Variants in PCNX2 observed in about 807,000 individuals in gnomAD.
PCNX2 encodes pecanex-like protein 2.
Under a neutral mutation model 223.8 loss-of-function variants are expected in PCNX2, and 168 were observed. That is an observed-to-expected ratio of 0.75 (90% confidence interval 0.66 to 0.85). The LOEUF is 0.85. PCNX2 is among the 40% of genes least tolerant of loss of function. The pLI, the probability that PCNX2 is intolerant of heterozygous loss-of-function variation, is 0.00. For missense variants in PCNX2, 2,507 were observed against 2,675.5 expected (o/e 0.94, Z 1.39); for synonymous variants, 1,006 against 1,052.6 (o/e 0.96, Z 0.86).
intron 23 of PCNX2, among the ~76,000 whole-genome samples, chr1:233,073,844 T>C (rs1011295255): frequency 6.6e-6 from 1 of 152,184 alleles, no homozygotes; most frequent in Non-Finnish European, 1.5e-5. Flanking sequence ...GGTATTAAAC[T>C]TTTGACCTCG....
At chr1:233,288,082 T>G (rs796750414) in intron 1 of PCNX2, among the ~76,000 whole-genome samples, 22 of 152,338 alleles carry the variant, frequency 1.4e-4, no homozygotes, top group African/African-American at 5.1e-4. Flanking sequence ...CATTTTCTTC[T>G]TGCAGAGGAC....
chr1:233,189,263 T>C (rs934555768), intron 15 of PCNX2, among the ~76,000 whole-genome samples: 3 of 152,186 alleles, frequency 2.0e-5, no homozygotes, highest in African/African-American at 7.2e-5. Context: ...ATCGATTACA[T>C]GGAGATATAG....
intron 15 of PCNX2, among the ~76,000 whole-genome samples, chr1:233,185,444 ATATG>A (rs1680042463): frequency 6.6e-6 from 1 of 152,120 alleles, no homozygotes; most frequent in Non-Finnish European, 1.5e-5. Flanking sequence ...ACTGTGAAAA[ATATG>A]TAGACATCTC....
chr1:233,257,314 GGAT>G (rs199827510), intron 5 of PCNX2, among the ~76,000 whole-genome samples: 1,662 of 152,206 alleles, frequency 0.011, 34 homozygotes, highest in African/African-American at 0.034. Flanking sequence ...AGAACAGGAA[GGAT>G]GATGGTATAT....
At chr1:233,123,628 A>C (rs1290888182) in intron 21 of PCNX2, among the ~76,000 whole-genome samples, 1 of 152,168 alleles carries the variant, frequency 6.6e-6, no homozygotes, top group Non-Finnish European at 1.5e-5. Context: ...AATGAAAGAC[A>C]GTTGTGTCTA....
At chr1:233,189,362 C>A (rs961843261) in intron 15 of PCNX2, among the ~76,000 whole-genome samples, 4 of 152,132 alleles carry the variant, frequency 2.6e-5, no homozygotes, top group African/African-American at 9.7e-5. Context: ...GTGAACTGTT[C>A]TTTCAACAAG....
intron 21 of PCNX2, among the ~76,000 whole-genome samples, chr1:233,104,527 A>G (rs66772182): frequency 0.17 from 26,121 of 152,078 alleles, 2,330 homozygotes; most frequent in East Asian, 0.25. Context: ...AAGTAAAAAT[A>G]GGTAGAATTA....
At chr1:233,307,805 G>A in the PCNX2 span, among the ~76,000 whole-genome samples, 5 of 152,196 alleles carry the variant, frequency 3.3e-5, no homozygotes, top group Non-Finnish European at 7.3e-5. Context: ...TGTGTGCTAA[G>A]GGATTGTGGC....
At chr1:233,304,503 A>G in the PCNX2 span, among the ~76,000 whole-genome samples, 1 of 152,242 alleles carries the variant, frequency 6.6e-6, no homozygotes, top group East Asian at 1.9e-4. Context: ...CCCAAGAGTA[A>G]GCATAAAAAA....
At chr1:233,005,297 C>T (rs938954969) in intron 28 of PCNX2, among the ~76,000 whole-genome samples, 1 of 152,134 alleles carries the variant, frequency 6.6e-6, no homozygotes, top group African/African-American at 2.4e-5. Flanking sequence ...CCCAGACACC[C>T]AGAGCAACAT....
chr1:233,099,619 T>C (rs1017321911), intron 21 of PCNX2, among the ~76,000 whole-genome samples: 1 of 152,232 alleles, frequency 6.6e-6, no homozygotes, highest in South Asian at 2.1e-4. Context: ...CTCAACTTCA[T>C]ATTTTCCCTT....
intron 31 of PCNX2, 61 bp from the exon 32 acceptor site, chr1:232,998,499 C>T (rs1669957186): frequency 1.9e-6 from 3 of 1,570,364 alleles, no homozygotes; most frequent in Admixed American, 3.5e-5. Context: ...CCCCTAAATG[C>T]ACCACCATGG....
chr1:232,999,062 T>G, intron 31 of PCNX2, 43 bp downstream of exon 31: 1 of 1,548,360 alleles, frequency 6.5e-7, no homozygotes, highest in Non-Finnish European at 8.7e-7. Context: ...CCCCCACACC[T>G]TCCCCCAGCA....
At chr1:233,053,156 T>C (rs1376369558) in intron 25 of PCNX2, among the ~76,000 whole-genome samples, 1 of 151,992 alleles carries the variant, frequency 6.6e-6, no homozygotes, top group African/African-American at 2.4e-5. Flanking sequence ...GAGAATAACA[T>C]ATAGTCCCTG....
At chr1:233,168,494 T>C (rs1678934964) in intron 17 of PCNX2, among the ~76,000 whole-genome samples, 1 of 152,080 alleles carries the variant, frequency 6.6e-6, no homozygotes, top group South Asian at 2.1e-4. Flanking sequence ...TAATATCATT[T>C]AGTGGTTAAA....
At chr1:233,195,628 T>G (rs1466060561) in intron 15 of PCNX2, among the ~76,000 whole-genome samples, 1 of 152,210 alleles carries the variant, frequency 6.6e-6, no homozygotes, top group African/African-American at 2.4e-5. Flanking sequence ...GCTGAAATAT[T>G]ACAAAATAAA....
intron 13 of PCNX2, among the ~76,000 whole-genome samples, chr1:233,207,112 T>C (rs1358625471): frequency 6.6e-6 from 1 of 151,980 alleles, no homozygotes; most frequent in Admixed American, 6.6e-5. Context: ...GGTGGGCTTG[T>C]GGTGGGTTGG....
chr1:233,075,309 A>G (rs1673042494), intron 23 of PCNX2, among the ~76,000 whole-genome samples: 1 of 152,226 alleles, frequency 6.6e-6, no homozygotes, highest in Admixed American at 6.5e-5. Flanking sequence ...TGTTGTGTGA[A>G]AATAGGCAAT....
chr1:233,074,468 G>A (rs892948385), intron 23 of PCNX2, among the ~76,000 whole-genome samples: 55 of 150,570 alleles, frequency 3.7e-4, no homozygotes, highest in Middle Eastern at 3.4e-3. Flanking sequence ...AGTGGCGGGC[G>A]CCTGTAGTCC....
Sources: gnomAD v4.1 joint callset for allele counts (sites outside exome capture counted in the v4.1 genomes callset) on GRCh38, gnomAD v4.1.1 for gene constraint, MANE v1.5 for transcripts, NCBI Gene and HGNC (gene_info 2026-07-23, HGNC 2026-07-21) for gene names.